ARHGAP32: variants seen among roughly 807,000 people sequenced by gnomAD.
ARHGAP32 encodes rho GTPase-activating protein 32.
ARHGAP32 carries 51 observed loss-of-function variants against 186.5 expected under a neutral mutation model. The ratio of observed to expected loss-of-function variants is 0.27; its 90% CI spans 0.22 to 0.35. The LOEUF (loss-of-function observed/expected upper bound fraction) is 0.35, where lower values mean the gene tolerates loss of function less well. Ranked by LOEUF, ARHGAP32 falls within the 10% of genes least tolerant of loss-of-function variation. The pLI is 1.00. For missense variants in ARHGAP32, 2,186 were observed against 2,623.5 expected (o/e 0.83, Z 3.64); for synonymous variants, 950 against 964.3 (o/e 0.99, Z 0.27).
At chr11:129,068,028 A>C (rs992837307) in intron 6 of ARHGAP32, among the ~76,000 whole-genome samples, 2 of 152,092 alleles carry the variant, frequency 1.3e-5, no homozygotes, top group African/African-American at 4.8e-5. Context: ...CAGAGAAGCA[A>C]TGTGACTGAG....
At chr11:129,204,738 C>G (rs563525014) in intron 1 of ARHGAP32, among the ~76,000 whole-genome samples, 255 of 152,300 alleles carry the variant, frequency 1.7e-3, no homozygotes, top group Non-Finnish European at 1.4e-3. Context: ...AGAGACCATT[C>G]AACTACTTAC....
intron 1 of ARHGAP32, among the ~76,000 whole-genome samples, chr11:129,169,625 C>A: frequency 1.9e-5 from 2 of 105,768 alleles, no homozygotes; most frequent in South Asian, 3.2e-4. Flanking sequence ...GAGTGAGACT[C>A]TGTCTCAAAA....
At chr11:129,190,040 A>C (rs990382295) in intron 1 of ARHGAP32, among the ~76,000 whole-genome samples, 1 of 152,244 alleles carries the variant, frequency 6.6e-6, no homozygotes, top group South Asian at 2.1e-4. Context: ...ATGGAAATGT[A>C]ACCAATACGA....
At chr11:129,064,136 C>CT in intron 8 of ARHGAP32, 112 bp from the exon 9 acceptor site, 4 of 602,184 alleles carry the variant, frequency 6.6e-6, no homozygotes, top group South Asian at 3.4e-5. Flanking sequence ...CCCAAAGAGT[C>CT]TTAAAAAAAA....
intron 1 of ARHGAP32, among the ~76,000 whole-genome samples, chr11:129,270,728 C>T (rs1030164690): frequency 1.3e-5 from 2 of 148,848 alleles, no homozygotes; most frequent in African/African-American, 5.0e-5. Flanking sequence ...AAATAGTCTA[C>T]TTAAAAAAAA....
chr11:129,164,567 C>G (rs1432572682), intron 1 of ARHGAP32, 140 bp from the exon 2 acceptor site: 1 of 572,590 alleles, frequency 1.7e-6, no homozygotes, highest in African/African-American at 1.9e-5. Context: ...TAGCAGTGAT[C>G]CTTTATTTCT....
At chr11:129,070,410 G>T (rs768230105) in intron 6 of ARHGAP32, among the ~76,000 whole-genome samples, 1 of 151,890 alleles carries the variant, frequency 6.6e-6, no homozygotes, top group Non-Finnish European at 1.5e-5. Flanking sequence ...ATATTAGTTT[G>T]GTTAAATTGT....
intron 11 of ARHGAP32, among the ~76,000 whole-genome samples, chr11:129,028,622 T>C (rs1021630097): frequency 1.2e-4 from 19 of 152,210 alleles, no homozygotes; most frequent in African/African-American, 4.6e-4. Flanking sequence ...GTGTAACCAC[T>C]ACACACACAG....
intron 1 of ARHGAP32, among the ~76,000 whole-genome samples, chr11:129,188,719 C>A (rs1176884629): frequency 3.3e-5 from 5 of 152,148 alleles, no homozygotes; most frequent in African/African-American, 1.2e-4. Context: ...AATATGTTCA[C>A]CAAATCATCC....
At chr11:129,080,369 C>A (rs1352955243) in intron 6 of ARHGAP32, among the ~76,000 whole-genome samples, 1 of 151,964 alleles carries the variant, frequency 6.6e-6, no homozygotes, top group Non-Finnish European at 1.5e-5. Context: ...CAAATCTCAA[C>A]AAATTAAAGA....
intron 10 of ARHGAP32, among the ~76,000 whole-genome samples, chr11:129,058,247 T>C (rs1192998466): frequency 6.6e-6 from 1 of 151,442 alleles, no homozygotes; most frequent in African/African-American, 2.4e-5. Context: ...TCTATATATA[T>C]ATATATCTCA....
chr11:128,999,115 T>C (rs1412107061), intron 11 of ARHGAP32, among the ~76,000 whole-genome samples: 1 of 152,220 alleles, frequency 6.6e-6, no homozygotes, highest in African/African-American at 2.4e-5. Flanking sequence ...CATATTTCTC[T>C]TCTTGCAAAA....
intron 11 of ARHGAP32, among the ~76,000 whole-genome samples, chr11:129,037,639 C>T (rs1194281508): frequency 1.3e-5 from 2 of 151,940 alleles, no homozygotes; most frequent in African/African-American, 2.4e-5. Flanking sequence ...TCCCATCCTA[C>T]TCTGTAGAAA....
In ARHGAP32 at chr11:129,101,967, T is replaced by G. The variant is rs1338270638; in HGVS notation, c.445-8260A>C. Among the ~76,000 whole-genome samples, 10 of 152,150 alleles carry G rather than the reference T, an allele frequency of 6.6e-5. No individual in the cohort carries two copies. The East Asian group carries it at 1.9e-3, about 29-fold the overall frequency. On this transcript the variant is annotated intron_variant, in intron 5 of 22. Coordinates refer to ENST00000682385, the MANE Select transcript of ARHGAP32 (RefSeq NM_001378024.1). Reference sequence around the variant, plus strand: ...AAGGCAGCTAGAAAGAAAGGTCAGGTCACCAACAAAGGGAAGCCCATCAGA... The same window carrying G: ...AAGGCAGCTAGAAAGAAAGGTCAGGGCACCAACAAAGGGAAGCCCATCAGA...
chr11:128,989,996 G>A (rs1407922613), intron 12 of ARHGAP32, among the ~76,000 whole-genome samples: 1 of 152,152 alleles, frequency 6.6e-6, no homozygotes, highest in Non-Finnish European at 1.5e-5. Flanking sequence ...CTGCCTGGCA[G>A]AGAAGGCCTT....
intron 5 of ARHGAP32, among the ~76,000 whole-genome samples, chr11:129,120,505 T>C (rs575589805): frequency 6.6e-6 from 1 of 152,240 alleles, no homozygotes; most frequent in South Asian, 2.1e-4. Context: ...GTAAAAGTAC[T>C]GACATGTCTA....
At chr11:129,003,354 T>G (rs182703563) in intron 11 of ARHGAP32, among the ~76,000 whole-genome samples, 346 of 152,342 alleles carry the variant, frequency 2.3e-3, no homozygotes, top group African/African-American at 8.2e-3. Context: ...TTTCTTTTTT[T>G]GATGTGTCAT....
intron 15 of ARHGAP32, among the ~76,000 whole-genome samples, chr11:128,985,388 T>C (rs1048256961): frequency 6.6e-6 from 1 of 152,248 alleles, no homozygotes; most frequent in Non-Finnish European, 1.5e-5. Context: ...TTACTTAATT[T>C]GCATATTACT....
intron 1 of ARHGAP32, among the ~76,000 whole-genome samples, chr11:129,171,242 G>A (rs760203611): frequency 2.0e-5 from 3 of 152,148 alleles, no homozygotes; most frequent in Non-Finnish European, 4.4e-5. Flanking sequence ...TGAAGACTTT[G>A]CCCATGCCTA....
Sources: allele counts gnomAD v4.1 joint callset (sites outside exome capture counted in the v4.1 genomes callset), GRCh38; gene constraint gnomAD v4.1.1; transcripts MANE v1.5; gene names NCBI Gene and HGNC (gene_info 2026-07-23, HGNC 2026-07-21).